COL19A1: variants seen among roughly 807,000 people sequenced by gnomAD.
COL19A1 encodes collagen alpha-1(XIX) chain.
Under a neutral mutation model 190.2 loss-of-function variants are expected in COL19A1, and 159 were observed. The ratio of observed to expected loss-of-function variants is 0.84; its 90% CI spans 0.73 to 0.95. COL19A1 has a LOEUF of 0.95. Among genes scored for constraint, COL19A1 ranks in the 40% least tolerant of loss-of-function variants. The probability of loss-of-function intolerance (pLI) is 0.00; values close to 1 mark genes in which losing one functional copy is unlikely to be tolerated. For synonymous variants in COL19A1, 509 were observed against 458.9 expected, an observed-to-expected ratio of 1.11 and a Z score of -1.39; for missense variants, 1,418 against 1,431.9, an observed-to-expected ratio of 0.99 and a Z score of 0.16.
intron 16 of COL19A1, among the ~76,000 whole-genome samples, chr6:70,103,601 C>T (rs938294228): frequency 2.0e-5 from 3 of 152,118 alleles, no homozygotes; most frequent in African/African-American, 7.2e-5. Context: ...CAGTAATCTT[C>T]GCTTACTATT....
At chr6:69,880,441 T>C (rs1017485417) in intron 2 of COL19A1, among the ~76,000 whole-genome samples, 15 of 152,156 alleles carry the variant, frequency 9.9e-5, no homozygotes, top group African/African-American at 3.6e-4. Flanking sequence ...TAATGTATTC[T>C]GATGATAATC....
At chr6:69,986,677 A>C (rs995259264) in intron 11 of COL19A1, among the ~76,000 whole-genome samples, 2 of 152,222 alleles carry the variant, frequency 1.3e-5, no homozygotes, top group African/African-American at 2.4e-5. Context: ...CGCAGAGTTT[A>C]TACTACAATT....
At position 70,146,858 on chromosome 6, in the gene COL19A1, GC is replaced by G. The variant is rs1786686666; in HGVS notation, c.1865del (p.Pro622HisfsTer4). The G allele has an allele frequency of 6.3e-7, 1 of 1,587,844 alleles. No individual in the cohort carries two copies. Reference protein sequence around the residue: ...PGVHGSPGDIGPQGIGIPGRT... With the variant: ...PGVHGSPGDIXPQGIGIPGRT... Reference sequence around the variant, plus strand: ...GTTCACGGTTCCCCAGGGGACATAGGCCCACAAGGGATAGGAATTCCTGGCA... The same window carrying G: ...GTTCACGGTTCCCCAGGGGACATAGGCCACAAGGGATAGGAATTCCTGGCA... On this transcript the variant is annotated frameshift_variant, in exon 27 of 51. Coordinates refer to ENST00000620364, the MANE Select transcript of COL19A1 (RefSeq NM_001858.6). LOFTEE classifies it high-confidence loss of function.
chr6:70,179,394 C>T (rs1167777684), intron 42 of COL19A1, among the ~76,000 whole-genome samples: 3 of 152,198 alleles, frequency 2.0e-5, no homozygotes, highest in Non-Finnish European at 4.4e-5. Context: ...CCAAGCCTTG[C>T]CTGCACACTC....
chr6:70,174,118 A>G (rs1765661458), intron 41 of COL19A1, among the ~76,000 whole-genome samples: 1 of 152,178 alleles, frequency 6.6e-6, no homozygotes, highest in South Asian at 2.1e-4. Flanking sequence ...TTTCTCAGAT[A>G]AAGAGGAAGC....
intron 11 of COL19A1, among the ~76,000 whole-genome samples, chr6:69,997,410 C>T (rs1336223877): frequency 6.6e-6 from 1 of 152,080 alleles, no homozygotes; most frequent in African/African-American, 2.4e-5. Flanking sequence ...TCTGAGAGGG[C>T]CAGGGTCTCA....
At chr6:69,923,225 A>G (rs1323532930) in intron 4 of COL19A1, among the ~76,000 whole-genome samples, 1 of 152,150 alleles carries the variant, frequency 6.6e-6, no homozygotes, top group African/African-American at 2.4e-5. Flanking sequence ...TATTCAAGAA[A>G]AACTTTGAAT....
intron 22 of COL19A1, 83 bp downstream of exon 22, chr6:70,142,159 C>A: frequency 1.6e-6 from 2 of 1,249,314 alleles, no homozygotes; most frequent in Non-Finnish European, 2.3e-6. Flanking sequence ...CTTTGGTATG[C>A]CACTCATTTT....
At chr6:70,124,268 T>A (rs887697058) in intron 17 of COL19A1, among the ~76,000 whole-genome samples, 1 of 152,142 alleles carries the variant, frequency 6.6e-6, no homozygotes, top group African/African-American at 2.4e-5. Context: ...ATAATGAGAA[T>A]AAGTTGGCTC....
At position 70,168,331 on chromosome 6, in the gene COL19A1, T is replaced by G. The variant is rs945716587; in HGVS notation, c.2541+116T>G. Reference sequence around the variant, plus strand: ...CGCATGTTATGAATACAGCCAAATTTTACAGCAGAAGGAAATAAGTAAAAC... The same window carrying G: ...CGCATGTTATGAATACAGCCAAATTGTACAGCAGAAGGAAATAAGTAAAAC... On this transcript the variant is annotated intron_variant, in intron 39 of 50. Transcript: ENST00000620364. 2.7e-5 allele frequency: 28 copies of G among 1,027,820 alleles called. No individual in the cohort carries two copies. The South Asian group carries it at 2.8e-4, about 10-fold the overall frequency. 63.7% of individuals were successfully genotyped at this position (1,027,820 alleles called of 1,614,324 possible). A position where few individuals can be genotyped will look rare whatever the true frequency, so the allele number is the denominator to read the frequency against.
At chr6:70,180,383 G>C (rs768358659) in intron 43 of COL19A1, 27 bp downstream of exon 43, 1 of 1,614,082 alleles carries the variant, frequency 6.2e-7, no homozygotes, top group East Asian at 2.2e-5. Flanking sequence ...TTTCATGACA[G>C]TTGTACTTGT....
At chr6:70,119,429 T>G (rs1028627707) in intron 16 of COL19A1, among the ~76,000 whole-genome samples, 1 of 152,176 alleles carries the variant, frequency 6.6e-6, no homozygotes, top group Non-Finnish European at 1.5e-5. Flanking sequence ...AAGTGCTACG[T>G]AGAAGTTTTG....
At chr6:70,117,668 A>G (rs1297435205) in intron 16 of COL19A1, among the ~76,000 whole-genome samples, 1 of 152,206 alleles carries the variant, frequency 6.6e-6, no homozygotes, top group Non-Finnish European at 1.5e-5. Context: ...TTAGGTTCAG[A>G]ACAGTTGTTT....
chr6:70,162,846 G>A lies in COL19A1; in HGVS notation c.2347-497G>A, dbSNP rs867300422. ...TAAATTGTTCACTAAAATTAAAAACGATGAAAAAGAGTTGTGAAAGAAACC... is the reference window on the plus strand; with the variant it reads ...TAAATTGTTCACTAAAATTAAAAACAATGAAAAAGAGTTGTGAAAGAAACC... On this transcript the variant is annotated intron_variant, in intron 35 of 50. Transcript: ENST00000620364. Among the ~76,000 whole-genome samples the A allele has an allele frequency of 1.4e-4, 21 of 152,216 alleles. 1 individual carries two copies. The highest frequency in any genetic ancestry group is 4.3e-4 in the African/African-American group (18 of 41,562).
chr6:69,889,041 T>C (rs938726439), intron 2 of COL19A1, among the ~76,000 whole-genome samples: 1 of 152,196 alleles, frequency 6.6e-6, no homozygotes, highest in African/African-American at 2.4e-5. Flanking sequence ...GCAAAATGCC[T>C]AAAGGCTCTT....
chr6:70,028,922 TTTTA>T (rs145417554), intron 12 of COL19A1, among the ~76,000 whole-genome samples: 14,233 of 152,114 alleles, frequency 0.094, 719 homozygotes, highest in East Asian at 0.2. Context: ...AGGTACATGT[TTTTA>T]TTTATTTGTT....
chr6:70,204,334 G>T (rs894177932), intron 49 of COL19A1, among the ~76,000 whole-genome samples: 3 of 151,974 alleles, frequency 2.0e-5, no homozygotes, highest in Non-Finnish European at 4.4e-5. Context: ...ATGAAGTAAT[G>T]ATAAAAAAGA....
chr6:69,990,687 G>T (rs1240212847), intron 11 of COL19A1, among the ~76,000 whole-genome samples: 1 of 151,994 alleles, frequency 6.6e-6, no homozygotes, highest in Non-Finnish European at 1.5e-5. Context: ...AGGGTGGTTA[G>T]ATCAGTTTAG....
chr6:70,007,900 C>T (rs993819690), intron 11 of COL19A1, among the ~76,000 whole-genome samples: 10 of 151,686 alleles, frequency 6.6e-5, no homozygotes, highest in African/African-American at 9.7e-5. Context: ...GAATTAAATT[C>T]GACATCAATA....
Sources: allele counts gnomAD v4.1 joint callset (sites outside exome capture counted in the v4.1 genomes callset), GRCh38; gene constraint gnomAD v4.1.1; transcripts MANE v1.5; gene names NCBI Gene and HGNC (gene_info 2026-07-23, HGNC 2026-07-21).